The following PCDH9 variants were observed in gnomAD, a reference collection of about 807,000 sequenced individuals.
PCDH9 encodes protocadherin 9.
PCDH9 carries 24 observed loss-of-function variants against 70.6 expected under a neutral mutation model. That is an observed-to-expected ratio of 0.34 (90% CI 0.25 to 0.48). The LOEUF is 0.48. PCDH9 is among the 20% of genes least tolerant of loss of function. PCDH9 has a pLI of 0.99. For synonymous variants in PCDH9, 562 were observed against 558.5 expected, an observed-to-expected ratio of 1.01 and a Z score of -0.09; for missense variants, 1,281 against 1,503.6, an observed-to-expected ratio of 0.85 and a Z score of 2.45.
At chr13:66,318,563 A>T (rs1941055595) in intron 4 of PCDH9, among the ~76,000 whole-genome samples, 1 of 152,202 alleles carries the variant, frequency 6.6e-6, no homozygotes, top group Non-Finnish European at 1.5e-5. Flanking sequence ...TAAAATTTGC[A>T]TGCAAAATTT....
intron 2 of PCDH9, among the ~76,000 whole-genome samples, chr13:66,931,935 A>G (rs1247379863): frequency 1.3e-5 from 2 of 152,024 alleles, no homozygotes; most frequent in Non-Finnish European, 2.9e-5. Context: ...AAGGTACTAG[A>G]GTGCATATAT....
chr13:66,496,067 T>C (rs1388145229), intron 4 of PCDH9, among the ~76,000 whole-genome samples: 1 of 152,230 alleles, frequency 6.6e-6, no homozygotes, highest in Non-Finnish European at 1.5e-5. Context: ...TGTGCTTCTC[T>C]CATGCTGTTA....
chr13:67,049,109 C>T (rs1158834031), intron 2 of PCDH9, among the ~76,000 whole-genome samples: 5 of 152,070 alleles, frequency 3.3e-5, no homozygotes, highest in East Asian at 1.9e-4. Context: ...TTTAGCCTTC[C>T]GTAATCAGTA....
chr13:66,597,509 G>C (rs2077117757), intron 4 of PCDH9, among the ~76,000 whole-genome samples: 2 of 151,698 alleles, frequency 1.3e-5, no homozygotes, highest in South Asian at 4.1e-4. Context: ...AATGGTGCTG[G>C]GAAGACTGGA....
At chr13:67,045,852 G>C (rs903310994) in intron 2 of PCDH9, among the ~76,000 whole-genome samples, 1 of 151,936 alleles carries the variant, frequency 6.6e-6, no homozygotes, top group African/African-American at 2.4e-5. Flanking sequence ...TTTGTTCCTT[G>C]ATTATTTTTT....
At chr13:66,391,767 T>C (rs1364321951) in intron 4 of PCDH9, among the ~76,000 whole-genome samples, 1 of 151,854 alleles carries the variant, frequency 6.6e-6, no homozygotes, top group Non-Finnish European at 1.5e-5. Flanking sequence ...ATGAAAGTGA[T>C]ACATGTCATC....
intron 4 of PCDH9, among the ~76,000 whole-genome samples, chr13:66,625,695 C>T (rs1175910454): frequency 1.4e-5 from 2 of 143,512 alleles, no homozygotes; most frequent in Non-Finnish European, 3.0e-5. Flanking sequence ...CAGTCTCACT[C>T]TGTCACCCAG....
chr13:67,103,875 T>C (rs763343623), intron 2 of PCDH9, among the ~76,000 whole-genome samples: 82 of 152,268 alleles, frequency 5.4e-4, no homozygotes, highest in Non-Finnish European at 1.0e-3. Context: ...GTTGTGTACA[T>C]GGCTAAGTGA....
At chr13:67,083,264 T>C (rs1357986536) in intron 2 of PCDH9, among the ~76,000 whole-genome samples, 1 of 152,180 alleles carries the variant, frequency 6.6e-6, no homozygotes, top group Non-Finnish European at 1.5e-5. Flanking sequence ...GCATAATTAA[T>C]GTGGTATTTT....
intron 2 of PCDH9, among the ~76,000 whole-genome samples, chr13:67,089,064 T>C (rs2086165356): frequency 6.6e-6 from 1 of 150,684 alleles, no homozygotes; most frequent in Non-Finnish European, 1.5e-5. Flanking sequence ...CAGTGAAGTT[T>C]TAAGGTTATT....
intron 4 of PCDH9, among the ~76,000 whole-genome samples, chr13:66,376,890 C>T (rs903282455): frequency 6.6e-6 from 1 of 151,938 alleles, no homozygotes; most frequent in African/African-American, 2.4e-5. Flanking sequence ...TTTGTTATTC[C>T]TGCTTTATTC....
chr13:66,800,541 T>C (rs79384183), intron 3 of PCDH9, among the ~76,000 whole-genome samples: 2,017 of 152,178 alleles, frequency 0.013, 35 homozygotes, highest in African/African-American at 0.045. Context: ...ACCATTAAAA[T>C]CTCCAGTGCC....
chr13:66,900,718 T>C (rs914842132), intron 3 of PCDH9, among the ~76,000 whole-genome samples: 3 of 151,844 alleles, frequency 2.0e-5, no homozygotes, highest in Non-Finnish European at 4.4e-5. Context: ...AATTTAAGAA[T>C]TTCATCCAGA....
In PCDH9 at chr13:66,559,137, G is replaced by A. The variant is rs181259300; in HGVS notation, c.3340+72073C>T. On this transcript the variant is annotated intron_variant, in intron 4 of 4. Transcript: ENST00000377865. The stretch of plus-strand genomic sequence containing the variant: ...ATTACCTTCAATAGAAACCAGAAGA[G>A]AATTGTCAGGAGTAAAGAATGAAAG... Among the ~76,000 whole-genome samples the A allele has an allele frequency of 9.1e-4, 138 of 152,254 alleles. 1 individual carries two copies. Among genetic ancestry groups the A allele is most frequent in the Admixed American group, 1.6e-3 (24 of 15,290 alleles).
chr13:67,216,097 T>C (rs1347946151), intron 2 of PCDH9: 1 of 152,124 alleles, frequency 6.6e-6, no homozygotes, highest in Non-Finnish European at 1.5e-5. Flanking sequence ...CAGATGGTCC[T>C]GCAAGAATAG....
At chr13:66,556,438 G>T (rs938039574) in intron 4 of PCDH9, among the ~76,000 whole-genome samples, 2 of 152,108 alleles carry the variant, frequency 1.3e-5, no homozygotes, top group African/African-American at 4.8e-5. Flanking sequence ...ACAGGCTGGA[G>T]AATTGGAATT....
In PCDH9 at chr13:66,952,308, T is replaced by C. The variant is rs568427273; in HGVS notation, c.3037-48703A>G. On this transcript the variant is annotated intron_variant, in intron 2 of 4. Coordinates refer to ENST00000377865, the MANE Select transcript of PCDH9 (RefSeq NM_203487.3). The stretch of plus-strand genomic sequence containing the variant: ...CCTCCTGCATCTACAGCCACCACTG[T>C]TCTAATTATTCAAGCTGACATTCTC... Among the ~76,000 whole-genome samples the C allele has an allele frequency of 1.5e-3, 236 of 152,278 alleles. 1 individual carries two copies. The highest frequency in any genetic ancestry group is 5.2e-3 in the African/African-American group (215 of 41,572).
intron 4 of PCDH9, among the ~76,000 whole-genome samples, chr13:66,326,441 C>A (rs562846946): frequency 1.4e-4 from 21 of 151,732 alleles, no homozygotes; most frequent in African/African-American, 5.1e-4. Context: ...AAAAACACAC[C>A]AGAGTCTTGC....
In PCDH9 at chr13:66,946,496, C is replaced by A. The variant is rs569695417; in HGVS notation, c.3037-42891G>T. 9.9e-5 allele frequency among the ~76,000 whole-genome samples: 15 copies of A among 152,110 alleles called. 1 individual carries two copies. The highest frequency in any genetic ancestry group is 3.4e-3 in the Middle Eastern group (1 of 292). On this transcript the variant is annotated intron_variant, in intron 2 of 4. Transcript: ENST00000377865. ...ACCAGCATGGGCAACACAGCGAGAT[C>A]CCATCTCTAATTTTTTAAAAAGATT...
Sources: allele counts gnomAD v4.1 joint callset (sites outside exome capture counted in the v4.1 genomes callset), GRCh38; gene constraint gnomAD v4.1.1; transcripts MANE v1.5; gene names NCBI Gene and HGNC (gene_info 2026-07-23, HGNC 2026-07-21).